The following RBBP4 variants were observed in gnomAD, a reference collection of about 807,000 sequenced individuals.
The protein encoded by RBBP4 is RB binding protein 4, chromatin remodeling factor.
Under a neutral mutation model 57.2 loss-of-function variants are expected in RBBP4, and 3 were observed. That is an observed-to-expected ratio of 0.05 (90% CI 0.02 to 0.14). The LOEUF is 0.14. Among genes scored for constraint, RBBP4 ranks in the 10% least tolerant of loss-of-function variants. The pLI, the probability that RBBP4 is intolerant of heterozygous loss-of-function variation, is 1.00. For synonymous variants in RBBP4, 151 were observed against 171.5 expected (o/e 0.88, Z 0.93); for missense variants, 107 against 520.6 (o/e 0.21, Z 7.73).
rs749756205 is a variant in RBBP4 at position 32,684,307 on chromosome 1, CTT to C, written c.*4604_*4605del. 4.3e-6 allele frequency: 7 copies of C among 1,614,064 alleles called. No homozygotes were observed. Among genetic ancestry groups the C allele is most frequent in the African/African-American group, 2.7e-5 (2 of 74,924 alleles). On this transcript the variant is annotated 3_prime_UTR_variant, in exon 12 of 12. Transcript: ENST00000373493. The stretch of plus-strand genomic sequence containing the variant: ...AGACTGAGCCTTAGCTGTTCCATCT[CTT>C]TGTTCTTCTGTTGCTGGAGTTGCAC...
rs1649630646 is a variant in RBBP4, at chr1:32,683,998, C to T, written c.*4293C>T. 1.2e-6 allele frequency: 2 copies of T among 1,612,390 alleles called. No individual in the cohort carries two copies. Among genetic ancestry groups the T allele is most frequent in the African/African-American group, 1.3e-5 (1 of 74,888 alleles). ...ACAATGCAAACACCACTCTTCTCTTCACAAAGATCACCTTGAGACTGTGTC... is the reference window on the plus strand; with the variant it reads ...ACAATGCAAACACCACTCTTCTCTTTACAAAGATCACCTTGAGACTGTGTC... On this transcript the variant is annotated 3_prime_UTR_variant, in exon 12 of 12. Coordinates refer to ENST00000373493, the MANE Select transcript of RBBP4 (RefSeq NM_005610.3).
Position 32,681,792 on chromosome 1 carries a change from T to C in RBBP4, c.*2087T>C, listed in dbSNP as rs1420440481. 6.2e-7 allele frequency: 1 copy of C among 1,613,934 alleles called. No individual in the cohort carries two copies. The highest frequency in any genetic ancestry group is 2.2e-5 in the East Asian group (1 of 44,880). ...AAGAGTACATCCAAAGGGTACTTAG[T>C]GATCCTTTGCTAAGAAGTTTTTTGC... On this transcript the variant is annotated 3_prime_UTR_variant, in exon 12 of 12. Coordinates refer to ENST00000373493, the MANE Select transcript of RBBP4 (RefSeq NM_005610.3).
chr1:32,679,566 C>T (rs771350087), intron 11 of RBBP4, 74 bp from the exon 12 acceptor site: 34 of 1,348,078 alleles, frequency 2.5e-5, no homozygotes, highest in Admixed American at 7.3e-5. Flanking sequence ...GGCTTCCTGG[C>T]CTAATCTGTT....
At chr1:32,652,414 G>A (rs1215099731) in intron 2 of RBBP4, 1 of 195,360 alleles carries the variant, frequency 5.1e-6, no homozygotes, top group Non-Finnish European at 1.1e-5. Flanking sequence ...CACTTTGGGA[G>A]GCCCAGGCAG....
intron 2 of RBBP4, among the ~76,000 whole-genome samples, chr1:32,653,781 C>T (rs1648014515): frequency 6.6e-6 from 1 of 150,734 alleles, no homozygotes; most frequent in Admixed American, 6.7e-5. Context: ...GCCTCAGCTT[C>T]CCAAGTAGCT....
chr1:32,657,309 CT>C (rs1235590681), intron 2 of RBBP4, 117 bp from the exon 3 acceptor site: 38 of 985,974 alleles, frequency 3.9e-5, no homozygotes, highest in Non-Finnish European at 5.1e-5. Flanking sequence ...CCCTTAATGA[CT>C]TTTTCCCCTC....
Position 32,681,876 on chromosome 1 carries a change from A to G in RBBP4, c.*2171A>G. The stretch of plus-strand genomic sequence containing the variant: ...TAAACAGCCCCTGTAAAGTTGAAAG[A>G]AAAAGTTTATAACAGTGAACTTCTG... On this transcript the variant is annotated 3_prime_UTR_variant, in exon 12 of 12. Coordinates refer to ENST00000373493, the MANE Select transcript of RBBP4 (RefSeq NM_005610.3). 1.2e-6 allele frequency: 2 copies of G among 1,613,056 alleles called. No homozygotes were observed. Among genetic ancestry groups the G allele is most frequent in the South Asian group, 2.2e-5 (2 of 91,058 alleles).
In RBBP4 at chr1:32,680,511, G is replaced by GC. The variant is rs1165988752; in HGVS notation, c.*807dup. On this transcript the variant is annotated 3_prime_UTR_variant, in exon 12 of 12. Coordinates refer to ENST00000373493, the MANE Select transcript of RBBP4 (RefSeq NM_005610.3). ...ATTAAATTAATCCTTGATAAGAGTT[G>GC]CTTTTTTTTTTTAGGAGTTAGTCCT... 4 of 1,535,024 alleles carry GC rather than the reference G, an allele frequency of 2.6e-6. No individual in the cohort carries two copies. The highest frequency in any genetic ancestry group is 3.5e-6 in the Non-Finnish European group (4 of 1,140,822).
chr1:32,663,851 C>G (rs1241523874), intron 3 of RBBP4, among the ~76,000 whole-genome samples: 5 of 152,082 alleles, frequency 3.3e-5, no homozygotes, highest in African/African-American at 1.2e-4. Flanking sequence ...GCTGCGATTA[C>G]AGGCTTGAGC....
At chr1:32,659,113 T>TATAATTTATATATAC (rs564935488) in intron 3 of RBBP4, among the ~76,000 whole-genome samples, 1,678 of 147,576 alleles carry the variant, frequency 0.011, 13 homozygotes, top group Non-Finnish European at 0.018. Flanking sequence ...GTGTAATATA[T>TATAATTTATATATAC]ATAATTTATA....
intron 2 of RBBP4, among the ~76,000 whole-genome samples, chr1:32,656,221 G>A (rs1166492700): frequency 6.6e-6 from 1 of 152,086 alleles, no homozygotes; most frequent in Non-Finnish European, 1.5e-5. Context: ...ACAGGAAGTA[G>A]TCTTTCTCTG....
At chr1:32,663,457 T>C (rs1265346183) in intron 3 of RBBP4, among the ~76,000 whole-genome samples, 2 of 152,172 alleles carry the variant, frequency 1.3e-5, no homozygotes, top group Admixed American at 6.5e-5. Flanking sequence ...ATGTATTTTT[T>C]CAGACAGGGT....
intron 3 of RBBP4, among the ~76,000 whole-genome samples, chr1:32,667,259 A>C (rs1449914545): frequency 6.6e-6 from 1 of 152,196 alleles, no homozygotes; most frequent in Non-Finnish European, 1.5e-5. Context: ...TGAAGTTGCT[A>C]GAGGATAGCA....
intron 11 of RBBP4, 46 bp from the exon 12 acceptor site, chr1:32,679,594 T>TAGA: frequency 6.6e-7 from 1 of 1,516,546 alleles, no homozygotes; most frequent in Non-Finnish European, 8.8e-7. Flanking sequence ...CCTTGAGTTT[T>TAGA]AGAAGAAGTC....
At chr1:32,674,435 T>C (rs1476845428) in intron 11 of RBBP4, among the ~76,000 whole-genome samples, 3 of 152,118 alleles carry the variant, frequency 2.0e-5, no homozygotes, top group Non-Finnish European at 2.9e-5. Context: ...GGGTTTGCCA[T>C]GTTGGCCAGT....
intron 3 of RBBP4, among the ~76,000 whole-genome samples, chr1:32,662,043 AC>A (rs1553194693): frequency 6.7e-6 from 1 of 149,298 alleles, no homozygotes; most frequent in African/African-American, 2.5e-5. Context: ...GTGCCACCAC[AC>A]CCAGCTAATT....
At position 32,683,246 on chromosome 1, in the gene RBBP4, CAG is replaced by C. The variant is rs1487459532; in HGVS notation, c.*3544_*3545del. 8.8e-6 allele frequency: 1 copy of C among 113,828 alleles called. No homozygotes were observed. Among genetic ancestry groups the C allele is most frequent in the African/African-American group, 3.4e-5 (1 of 29,500 alleles). 7.1% of individuals were successfully genotyped at this position (113,828 alleles called of 1,614,324 possible). On this transcript the variant is annotated 3_prime_UTR_variant, in exon 12 of 12. Transcript: ENST00000373493. ...ACGCCACTGCACTCCAGCCTGGCAA[CAG>C]AGCAAGACTCCGTCTCAAAAAAAAA...
Position 32,682,807 on chromosome 1 carries a change from GA to G in RBBP4, c.*3105del, listed in dbSNP as rs1304564430. 1.3e-5 allele frequency: 2 copies of G among 152,028 alleles called. No homozygotes were observed. The highest frequency in any genetic ancestry group is 4.8e-5 in the African/African-American group (2 of 41,392). The allele number at this position is 152,028 out of a possible 1,614,324, so 9.4% of individuals were successfully genotyped here. A position where few individuals can be genotyped will look rare whatever the true frequency, so the allele number is the denominator to read the frequency against. ...AGTTGTGAATTTGATGTAAGCTTAG[GA>G]AATGAATAAAATTTATAGGCATCTG... On this transcript the variant is annotated 3_prime_UTR_variant, in exon 12 of 12. Transcript: ENST00000373493.
chr1:32,663,397 G>T (rs1648506640), intron 3 of RBBP4, among the ~76,000 whole-genome samples: 1 of 151,956 alleles, frequency 6.6e-6, no homozygotes, highest in Non-Finnish European at 1.5e-5. Flanking sequence ...TGGCCTTTTC[G>T]CATAACAGCT....
Sources: allele counts gnomAD v4.1 joint callset (sites outside exome capture counted in the v4.1 genomes callset), GRCh38; gene constraint gnomAD v4.1.1; transcripts MANE v1.5; gene names NCBI Gene and HGNC (gene_info 2026-07-23, HGNC 2026-07-21).